The following SLC35F1 variants were observed in gnomAD, a reference collection of about 807,000 sequenced individuals.
SLC35F1 encodes the protein chromosome 6 open reading frame 169.
Under a neutral mutation model 48.7 loss-of-function variants are expected in SLC35F1, and 14 were observed. The ratio of observed to expected loss-of-function variants is 0.29; its 90% CI spans 0.19 to 0.45. The LOEUF is 0.45. Ranked by LOEUF, SLC35F1 falls within the 20% of genes least tolerant of loss-of-function variation. SLC35F1 has a pLI of 1.00. For synonymous variants in SLC35F1, 190 were observed against 202.2 expected (o/e 0.94, Z 0.51); for missense variants, 404 against 500.0 (o/e 0.81, Z 1.83).
At chr6:118,225,595 G>A (rs775338159) in intron 2 of SLC35F1, among the ~76,000 whole-genome samples, 4 of 152,116 alleles carry the variant, frequency 2.6e-5, no homozygotes, top group Admixed American at 6.5e-5. Flanking sequence ...AGATTTTTTC[G>A]TGTAAGACCT....
intron 2 of SLC35F1, among the ~76,000 whole-genome samples, chr6:118,231,235 A>G (rs1448430002): frequency 6.6e-6 from 1 of 152,228 alleles, no homozygotes; most frequent in Non-Finnish European, 1.5e-5. Context: ...AATAGTAAAC[A>G]GAATGCATTT....
chr6:118,039,311 T>C (rs1772177505), intron 1 of SLC35F1, among the ~76,000 whole-genome samples: 1 of 152,106 alleles, frequency 6.6e-6, no homozygotes, highest in African/African-American at 2.4e-5. Context: ...TTCAGCAGCT[T>C]ATGATGTATT....
intron 1 of SLC35F1, among the ~76,000 whole-genome samples, chr6:118,089,039 C>G (rs1414091275): frequency 1.3e-5 from 2 of 152,126 alleles, no homozygotes; most frequent in Non-Finnish European, 2.9e-5. Context: ...ATTTAAGAAG[C>G]TGTTGCAGAA....
chr6:117,990,547 A>G (rs1776904636), intron 1 of SLC35F1, among the ~76,000 whole-genome samples: 1 of 152,224 alleles, frequency 6.6e-6, no homozygotes, highest in African/African-American at 2.4e-5. Context: ...AAGGCAACTC[A>G]TCAATTGCTC....
intron 7 of SLC35F1, among the ~76,000 whole-genome samples, chr6:118,291,657 T>TC (rs1205651650): frequency 3.9e-5 from 6 of 152,168 alleles, no homozygotes; most frequent in Non-Finnish European, 8.8e-5. Flanking sequence ...CCTGGTGGCT[T>TC]CCATATACGT....
At chr6:118,125,100 A>G (rs961825746) in intron 1 of SLC35F1, among the ~76,000 whole-genome samples, 6 of 152,220 alleles carry the variant, frequency 3.9e-5, no homozygotes, top group Non-Finnish European at 7.3e-5. Flanking sequence ...GTCTTAAAAT[A>G]TGCCGTGCTT....
At chr6:117,961,467 C>G (rs1290462428) in intron 1 of SLC35F1, among the ~76,000 whole-genome samples, 4 of 152,168 alleles carry the variant, frequency 2.6e-5, no homozygotes, top group Non-Finnish European at 5.9e-5. Context: ...GAAGAGAGCT[C>G]AGCCTGAAGC....
intron 1 of SLC35F1, among the ~76,000 whole-genome samples, chr6:118,104,543 C>G (rs1328915744): frequency 4.6e-5 from 7 of 151,984 alleles, no homozygotes; most frequent in Non-Finnish European, 1.0e-4. Context: ...TAATATTATT[C>G]TTGATAATTT....
chr6:117,916,637 A>G (rs1473111192), intron 1 of SLC35F1, among the ~76,000 whole-genome samples: 1 of 152,210 alleles, frequency 6.6e-6, no homozygotes, highest in Non-Finnish European at 1.5e-5. Flanking sequence ...ATGCCCTGGA[A>G]TGTGAGGCAG....
At chr6:118,272,089 C>T (rs569596665) in intron 4 of SLC35F1, among the ~76,000 whole-genome samples, 2 of 152,280 alleles carry the variant, frequency 1.3e-5, no homozygotes, top group East Asian at 1.9e-4. Flanking sequence ...AAGACTTGTT[C>T]AGTCAGCTCA....
At chr6:117,997,457 C>T (rs1228078525) in intron 1 of SLC35F1, among the ~76,000 whole-genome samples, 2 of 151,832 alleles carry the variant, frequency 1.3e-5, no homozygotes, top group East Asian at 1.9e-4. Context: ...AGAGCAACTC[C>T]AAGACACATA....
chr6:118,304,221 G>A (rs1369198983), intron 7 of SLC35F1, among the ~76,000 whole-genome samples: 1 of 152,086 alleles, frequency 6.6e-6, no homozygotes, highest in Non-Finnish European at 1.5e-5. Flanking sequence ...TGTGACTTAT[G>A]TAATTATGCA....
chr6:117,917,607 C>T (rs1775842608), intron 1 of SLC35F1, among the ~76,000 whole-genome samples: 1 of 151,954 alleles, frequency 6.6e-6, no homozygotes. Flanking sequence ...ATTGGGTGAG[C>T]GATGGTGCCA....
At chr6:118,067,216 C>T (rs1412873082) in intron 1 of SLC35F1, among the ~76,000 whole-genome samples, 1 of 152,058 alleles carries the variant, frequency 6.6e-6, no homozygotes, top group Non-Finnish European at 1.5e-5. Flanking sequence ...AGAAGAAATG[C>T]AAGAGGAACT....
At chr6:118,063,805 G>GA (rs918282330) in intron 1 of SLC35F1, among the ~76,000 whole-genome samples, 9 of 151,668 alleles carry the variant, frequency 5.9e-5, no homozygotes, top group South Asian at 4.2e-4. Context: ...ACAAATGCTT[G>GA]AAAAAAAACT....
chr6:118,177,697 A>C (rs539620331), intron 2 of SLC35F1, among the ~76,000 whole-genome samples: 1 of 152,242 alleles, frequency 6.6e-6, no homozygotes, highest in South Asian at 2.1e-4. Context: ...TTAAAAAAAC[A>C]GTCAATATTC....
At chr6:118,296,680 G>A (rs567784547) in intron 7 of SLC35F1, among the ~76,000 whole-genome samples, 5 of 152,306 alleles carry the variant, frequency 3.3e-5, no homozygotes, top group South Asian at 4.1e-4. Context: ...ACGTCATCAT[G>A]ATAAGCTGTG....
intron 2 of SLC35F1, among the ~76,000 whole-genome samples, chr6:118,192,624 A>G (rs1774747294): frequency 6.6e-6 from 1 of 152,202 alleles, no homozygotes. Flanking sequence ...CATAATAACC[A>G]TAGTTATGAT....
chr6:117,980,301 G>C (rs914573014), intron 1 of SLC35F1, among the ~76,000 whole-genome samples: 1 of 152,172 alleles, frequency 6.6e-6, no homozygotes, highest in Non-Finnish European at 1.5e-5. Context: ...TTAAAGAAAT[G>C]TAAGGGGTGG....
Sources: allele counts gnomAD v4.1 joint callset (sites outside exome capture counted in the v4.1 genomes callset), GRCh38; gene constraint gnomAD v4.1.1; transcripts MANE v1.5; gene names NCBI Gene and HGNC (gene_info 2026-07-23, HGNC 2026-07-21).